RALY: variants seen among roughly 807,000 people sequenced by gnomAD.
RALY encodes RALY heterogeneous nuclear ribonucleoprotein.
In RALY, 15 loss-of-function variants were observed where a neutral mutation model predicts 30.7. The observed-to-expected ratio is 0.49, with a 90% CI of 0.33 to 0.75. The LOEUF (loss-of-function observed/expected upper bound fraction) is 0.75. RALY is among the 30% of genes least tolerant of loss of function. The pLI, the probability that RALY is intolerant of heterozygous loss-of-function variation, is 0.02. For synonymous variants in RALY, 177 were observed against 170.8 expected, an observed-to-expected ratio of 1.04 and a Z score of -0.28; for missense variants, 339 against 414.3, an observed-to-expected ratio of 0.82 and a Z score of 1.58.
intron 1 of RALY, among the ~76,000 whole-genome samples, chr20:34,029,622 T>G (rs988215482): frequency 6.6e-6 from 1 of 151,984 alleles, no homozygotes; most frequent in Admixed American, 6.6e-5. Flanking sequence ...CATGAATATT[T>G]GGAGTCTAAG....
intron 1 of RALY, among the ~76,000 whole-genome samples, chr20:33,994,538 C>T (rs1363006434): frequency 6.6e-6 from 1 of 152,228 alleles, no homozygotes; most frequent in East Asian, 1.9e-4. Context: ...CGGGCCCGGC[C>T]GCGGCTGCTT....
intron 2 of RALY, among the ~76,000 whole-genome samples, chr20:34,038,639 A>G (rs1462071663): frequency 6.6e-6 from 1 of 152,188 alleles, no homozygotes; most frequent in Non-Finnish European, 1.5e-5. Context: ...GATAAAAGAT[A>G]TCTGTGGTAT....
Position 34,082,753 on chromosome 20 carries a change from C to G in RALY, c.*2848C>G, listed in dbSNP as rs2034050294. On this transcript the variant is annotated 3_prime_UTR_variant, in exon 10 of 10. Transcript: ENST00000246194. ...TGGCTTCTAACAGTGCATACACATG[C>G]CCTTCCTCTGAGTCGGGGCAGCAAA... The G allele has an allele frequency of 1.3e-5, 2 of 152,222 alleles. No homozygotes were observed. The highest frequency in any genetic ancestry group is 4.8e-5 in the African/African-American group (2 of 41,464). 9.4% of individuals were successfully genotyped at this position (152,222 alleles called of 1,614,324 possible). A position where few individuals can be genotyped will look rare whatever the true frequency, so the allele number is the denominator to read the frequency against.
intron 1 of RALY, among the ~76,000 whole-genome samples, chr20:34,026,112 T>C (rs1340082540): frequency 2.0e-5 from 3 of 151,942 alleles, no homozygotes; most frequent in Non-Finnish European, 2.9e-5. Context: ...TCTTCTGACC[T>C]CTGCAGGCTT....
At chr20:34,023,040 A>G (rs2123061217) in intron 1 of RALY, among the ~76,000 whole-genome samples, 1 of 152,330 alleles carries the variant, frequency 6.6e-6, no homozygotes, top group Admixed American at 6.5e-5. Context: ...AGAGTGGAAC[A>G]GACCCCGTCA....
chr20:34,032,856 C>T (rs1255231002), intron 2 of RALY, among the ~76,000 whole-genome samples: 1 of 152,084 alleles, frequency 6.6e-6, no homozygotes, highest in African/African-American at 2.4e-5. Context: ...TTATAAAGTT[C>T]AAGAAGGCCT....
chr20:33,994,976 A>G (rs1353467342), intron 1 of RALY, among the ~76,000 whole-genome samples: 2 of 152,170 alleles, frequency 1.3e-5, no homozygotes, highest in Non-Finnish European at 2.9e-5. Context: ...AAGTCACAGT[A>G]GCCACAGAAG....
chr20:34,034,969 G>C (rs1032059481), intron 2 of RALY, among the ~76,000 whole-genome samples: 4 of 151,808 alleles, frequency 2.6e-5, no homozygotes, highest in African/African-American at 9.7e-5. Context: ...TGGCTAACAC[G>C]GTGAAACCCC....
intron 2 of RALY, among the ~76,000 whole-genome samples, chr20:34,063,501 A>T (rs1230015784): frequency 6.6e-6 from 1 of 152,226 alleles, no homozygotes; most frequent in Admixed American, 6.5e-5. Context: ...AGATGATACT[A>T]CATATCTCAT....
In RALY at chr20:34,077,060, G is replaced by GCT; in HGVS notation, c.691_692insCT (p.Gly231AlafsTer56). On this transcript the variant is annotated frameshift_variant, in exon 8 of 10. Coordinates refer to ENST00000246194, the MANE Select transcript of RALY (RefSeq NM_016732.3). LOFTEE classifies it high-confidence loss of function. ...GAAGAAGGGTGATGGAGGTGGCGCC[G>GCT]GCGGCGGCGGCGGTGGTGGTGGCAG... is the stretch of plus-strand genomic sequence containing the variant. 1 of 758,898 alleles carries GCT rather than the reference G, an allele frequency of 1.3e-6. No individual in the cohort carries two copies. Among genetic ancestry groups the GCT allele is most frequent in the Admixed American group, 3.9e-5 (1 of 25,908 alleles). The allele number at this position is 758,898 out of a possible 1,614,324, so 47.0% of individuals were successfully genotyped here.
chr20:34,055,734 CTATTA>C (rs1489717448), intron 2 of RALY, among the ~76,000 whole-genome samples: 4 of 152,188 alleles, frequency 2.6e-5, no homozygotes, highest in Non-Finnish European at 5.9e-5. Context: ...GAATGCCTTG[CTATTA>C]TATTGATTGT....
At chr20:34,061,256 AAGC>A (rs780400121) in intron 2 of RALY, among the ~76,000 whole-genome samples, 2 of 152,146 alleles carry the variant, frequency 1.3e-5, no homozygotes, top group Non-Finnish European at 2.9e-5. Flanking sequence ...GACCAAGATA[AAGC>A]ACCATTAGAA....
Position 34,035,752 on chromosome 20 carries a change from TTC to T in RALY, c.-10+4154_-10+4155del, listed in dbSNP as rs1463748116. Among the ~76,000 whole-genome samples the T allele has an allele frequency of 2.0e-5, 3 of 152,352 alleles. No individual in the cohort carries two copies. The Middle Eastern group carries it at 0.01, about 518-fold the overall frequency. On this transcript the variant is annotated intron_variant, in intron 2 of 9. Transcript: ENST00000246194. ...AGGTGTAGCAGTGAATAAAATAGTT[TTC>T]TCTCTGTAGTTTACGTTCTAGTAGA...
intron 2 of RALY, among the ~76,000 whole-genome samples, chr20:34,046,468 G>A (rs6120501): frequency 0.012 from 1,771 of 152,210 alleles, 37 homozygotes; most frequent in African/African-American, 0.041. Flanking sequence ...TAAGCATTGG[G>A]TAAAGAGAAA....
intron 5 of RALY, among the ~76,000 whole-genome samples, chr20:34,074,303 A>T (rs1322941211): frequency 6.6e-6 from 1 of 152,150 alleles, no homozygotes; most frequent in African/African-American, 2.4e-5. Context: ...GCCAGCAGCC[A>T]TTTGGAAGTC....
At chr20:34,001,754 T>C (rs561172280) in intron 1 of RALY, among the ~76,000 whole-genome samples, 10 of 152,258 alleles carry the variant, frequency 6.6e-5, no homozygotes, top group South Asian at 2.1e-4. Flanking sequence ...CACACTATAC[T>C]GAGAAATCGA....
At position 34,082,401 on chromosome 20, in the gene RALY, A is replaced by G. The variant is rs1393862142; in HGVS notation, c.*2496A>G. The stretch of plus-strand genomic sequence containing the variant: ...GGCACTGCCCCCAGAGCCTAGTGCT[A>G]TATGCCTGCTGCAGGTCCTACCCAA... On this transcript the variant is annotated 3_prime_UTR_variant, in exon 10 of 10. Coordinates refer to ENST00000246194, the MANE Select transcript of RALY (RefSeq NM_016732.3). 1 of 152,226 alleles carries G rather than the reference A, an allele frequency of 6.6e-6. No individual in the cohort carries two copies. The highest frequency in any genetic ancestry group is 2.4e-5 in the African/African-American group (1 of 41,460). The allele number at this position is 152,226 out of a possible 1,614,324, so 9.4% of individuals were successfully genotyped here.
intron 2 of RALY, among the ~76,000 whole-genome samples, chr20:34,052,208 TTG>T (rs1568682040): frequency 6.6e-6 from 1 of 152,224 alleles, no homozygotes; most frequent in African/African-American, 2.4e-5. Context: ...CAGACCCTTA[TTG>T]TGTGTGTCTC....
At chr20:34,020,277 GA>G (rs1050928380) in intron 1 of RALY, among the ~76,000 whole-genome samples, 1 of 152,230 alleles carries the variant, frequency 6.6e-6, no homozygotes, top group African/African-American at 2.4e-5. Flanking sequence ...CCATGGGGGT[GA>G]GGGGAGGAAT....
Sources: allele counts gnomAD v4.1 joint callset (sites outside exome capture counted in the v4.1 genomes callset), GRCh38; gene constraint gnomAD v4.1.1; transcripts MANE v1.5; gene names NCBI Gene and HGNC (gene_info 2026-07-23, HGNC 2026-07-21).